TECR: variants seen among roughly 807,000 people sequenced by gnomAD.
TECR encodes very-long-chain enoyl-CoA reductase.
In TECR, 19 loss-of-function variants were observed where a neutral mutation model predicts 50.6. The observed-to-expected ratio is 0.38, with a 90% CI of 0.26 to 0.55. TECR has a LOEUF of 0.55. TECR is among the 20% of genes least tolerant of loss of function. The pLI is 0.79. For synonymous variants in TECR, 168 were observed against 163.5 expected, an observed-to-expected ratio of 1.03 and a Z score of -0.21; for missense variants, 313 against 408.3, an observed-to-expected ratio of 0.77 and a Z score of 2.01.
At position 14,563,420 on chromosome 19, in the gene TECR, C is replaced by T; in HGVS notation, c.118+163C>T. 2 of 844,492 alleles carry T rather than the reference C, an allele frequency of 2.4e-6. No homozygotes were observed. The highest frequency in any genetic ancestry group is 2.6e-4 in the Middle Eastern group (1 of 3,860). 52.3% of individuals were successfully genotyped at this position (844,492 alleles called of 1,614,324 possible). On this transcript the variant is annotated intron_variant, in intron 3 of 12. Coordinates refer to ENST00000215567, the MANE Select transcript of TECR (RefSeq NM_138501.6). The surrounding 1 kb of genome is among the most constrained non-coding windows in gnomAD (Gnocchi z 5.3). ...CTGGGGCAGGCGCCTCCACGTGGCACTCCGCAGGAACGCCCTTGCTAGGCT... is the reference window on the plus strand; with the variant it reads ...CTGGGGCAGGCGCCTCCACGTGGCATTCCGCAGGAACGCCCTTGCTAGGCT...
At position 14,535,543 on chromosome 19, in the gene TECR, AATATATATATAT is replaced by A. The variant is rs747348455; in HGVS notation, c.15+5867_15+5878del. On this transcript the variant is annotated intron_variant, in intron 1 of 12. Transcript: ENST00000215567. ...AAAAAAAAAAAAAAAAAAAAAAAAA[AATATATATATAT>A]ATATATATATATATATATATATATA... Among the ~76,000 whole-genome samples the A allele has an allele frequency of 5.7e-3, 185 of 32,670 alleles. 3 individuals are homozygous for A. Among genetic ancestry groups the A allele is most frequent in the African/African-American group, 0.012 (71 of 5,714 alleles). The allele number at this position is 32,670 out of a possible 152,430, so 21.4% of individuals were successfully genotyped here. A position where few individuals can be genotyped will look rare whatever the true frequency, so the allele number is the denominator to read the frequency against.
intron 1 of TECR, among the ~76,000 whole-genome samples, chr19:14,544,726 G>C (rs1420846427): frequency 6.6e-6 from 1 of 150,930 alleles, no homozygotes; most frequent in African/African-American, 2.4e-5. Flanking sequence ...TCCAACTCCT[G>C]GGTTCAAGGG....
At chr19:14,542,003 G>A (rs1244441049) in intron 1 of TECR, among the ~76,000 whole-genome samples, 2 of 152,070 alleles carry the variant, frequency 1.3e-5, no homozygotes, top group East Asian at 1.9e-4. Context: ...GGCTGGTTTC[G>A]AACTCCTGAC....
At position 14,565,803 on chromosome 19, in the gene TECR, C is replaced by G. The variant is rs539503764; in HGVS notation, c.859C>G (p.Arg287Gly). ...GACCATCTGGGCCAAGGGCAAGCAC[C>G]GCAGCTACCTGAAGGAGTTCCGGGA... ...QMTIWAKGKH[R>G]SYLKEFRDYP... Residue 287 changes from arginine to glycine, a missense_variant, in exon 13 of 13, where the codon CGC becomes GGC. Physicochemically the swap from Arg to Gly is moderately radical, Grantham distance 125 (BLOSUM62 -2). Coordinates refer to ENST00000215567, the MANE Select transcript of TECR (RefSeq NM_138501.6). 12 of 1,604,048 alleles carry G rather than the reference C, an allele frequency of 7.5e-6. No homozygotes were observed. The highest frequency in any genetic ancestry group is 1.0e-5 in the Non-Finnish European group (12 of 1,176,302).
chr19:14,530,945 C>T (rs987463333), intron 1 of TECR: 1 of 152,212 alleles, frequency 6.6e-6, no homozygotes, highest in Non-Finnish European at 1.5e-5. Context: ...CCATTCCTCT[C>T]CACCTCCACC....
intron 1 of TECR, among the ~76,000 whole-genome samples, chr19:14,556,752 C>T (rs1195605137): frequency 6.6e-6 from 1 of 152,188 alleles, no homozygotes; most frequent in East Asian, 1.9e-4. Flanking sequence ...TCCCTGACAT[C>T]GGCTTTGGGA....
chr19:14,549,808 T>C (rs2073431286), intron 1 of TECR, among the ~76,000 whole-genome samples: 1 of 151,876 alleles, frequency 6.6e-6, no homozygotes, highest in South Asian at 2.1e-4. Context: ...CTGGGCATGG[T>C]GGCATGCACC....
At chr19:14,557,392 C>T (rs971902411) in intron 1 of TECR, among the ~76,000 whole-genome samples, 4 of 150,126 alleles carry the variant, frequency 2.7e-5, no homozygotes, top group Admixed American at 6.7e-5. Context: ...CTGCCTGCTT[C>T]GGCCTCCCAA....
chr19:14,543,415 ATATATTTTTTTTTTTTTTTTTTTTTT>A (rs2073186252), intron 1 of TECR, among the ~76,000 whole-genome samples: 3 of 9,488 alleles, frequency 3.2e-4, no homozygotes, highest in Admixed American at 2.9e-3. Flanking sequence ...ATATATATAT[ATATATTTTTTTTTTTTTTTTTTTTTT>A]TTTTTTTTTT....
At position 14,529,660 on chromosome 19, in the gene TECR, A is replaced by G. The variant is rs758263727; in HGVS notation, c.-37A>G. The G allele has an allele frequency of 3.7e-6, 6 of 1,613,698 alleles. No individual in the cohort carries two copies. In the African/African-American group the frequency reaches 8.0e-5, roughly 22 times the overall value. On this transcript the variant is annotated 5_prime_UTR_variant, in exon 1 of 13. Transcript: ENST00000215567. ...GTGCTGTGCCGCGCAGTTAGGCAGC[A>G]GCAGCCGCGGAGCAGTAGCCGCCGT...
chr19:14,531,072 T>C (rs1205309786), intron 1 of TECR: 2 of 152,198 alleles, frequency 1.3e-5, no homozygotes, highest in Non-Finnish European at 2.9e-5. Context: ...TTCGGTCTTA[T>C]TGCCCGGGCT....
chr19:14,529,890 A>ATT, intron 1 of TECR, 179 bp downstream of exon 1: 1 of 854,406 alleles, frequency 1.2e-6, no homozygotes, highest in Non-Finnish European at 1.9e-6. Context: ...GCATGTGCGC[A>ATT]GGAAGTATTT....
intron 1 of TECR, among the ~76,000 whole-genome samples, chr19:14,533,012 C>A (rs2072730958): frequency 6.6e-6 from 1 of 151,904 alleles, no homozygotes; most frequent in Admixed American, 6.6e-5. Context: ...GGCTTCGAGG[C>A]TGAGGAATGA....
chr19:14,528,626 C>T (rs995473958), upstream of TECR, among the ~76,000 whole-genome samples: 5 of 152,070 alleles, frequency 3.3e-5, no homozygotes, highest in Non-Finnish European at 5.9e-5. Flanking sequence ...TGTAGTTCCC[C>T]TGTCCATAGG....
chr19:14,563,949 T>C lies in TECR; in HGVS notation c.268-33T>C. The C allele has an allele frequency of 6.2e-7, 1 of 1,614,038 alleles. No homozygotes were observed. Among genetic ancestry groups the C allele is most frequent in the East Asian group, 2.2e-5 (1 of 44,888 alleles). On this transcript the variant is annotated intron_variant, in intron 5 of 12. Transcript: ENST00000215567. This position sits in a 1 kb window ranked among gnomAD's most constrained non-coding sequence, Gnocchi z 5.3. ...CGGCCTCTTTTCCCGTCAGCCACGT[T>C]GGGTGACTCATCTTGCCCCCCTCTA...
chr19:14,559,324 G>C (rs2073837017), intron 1 of TECR, among the ~76,000 whole-genome samples: 2 of 152,004 alleles, frequency 1.3e-5, no homozygotes, highest in African/African-American at 4.8e-5. Flanking sequence ...GTACCCAGCA[G>C]CAGCCACTCC....
chr19:14,549,590 G>T (rs2073424428), intron 1 of TECR, among the ~76,000 whole-genome samples: 1 of 152,014 alleles, frequency 6.6e-6, no homozygotes, highest in Non-Finnish European at 1.5e-5. Context: ...GCCTCCCAAA[G>T]TGCTGGGATT....
At chr19:14,547,661 ATTT>A (rs71166755) in intron 1 of TECR, among the ~76,000 whole-genome samples, 1 of 142,934 alleles carries the variant, frequency 7.0e-6, no homozygotes. Flanking sequence ...TGTACCTAAT[ATTT>A]TTTTTTTTTT....
At chr19:14,545,451 C>G (rs901576550) in intron 1 of TECR, among the ~76,000 whole-genome samples, 3 of 139,090 alleles carry the variant, frequency 2.2e-5, no homozygotes, top group African/African-American at 7.4e-5. Flanking sequence ...ACATCGTGAC[C>G]CCGTATTATG....
Sources: allele counts gnomAD v4.1 joint callset (sites outside exome capture counted in the v4.1 genomes callset), GRCh38; gene constraint gnomAD v4.1.1; non-coding constraint Gnocchi (gnomAD v3.1); transcripts MANE v1.5; gene names NCBI Gene and HGNC (gene_info 2026-07-23, HGNC 2026-07-21).